WFDC10B: variants seen among roughly 807,000 people sequenced by gnomAD.
WFDC10B encodes protein WFDC10B.
WFDC10B carries 1 observed loss-of-function variant against 2.7 expected under a neutral mutation model. The observed-to-expected ratio is 0.38, with a 90% CI of 0.13 to 1.79. The LOEUF is 1.79. Ranked by LOEUF, WFDC10B falls within the 40% of genes most tolerant of loss-of-function variation. The pLI is 0.33. For missense variants in WFDC10B, 71 were observed against 87.8 expected, an observed-to-expected ratio of 0.81 and a Z score of 0.76; for synonymous variants, 26 against 32.2, an observed-to-expected ratio of 0.81 and a Z score of 0.65.
chr20:45,691,604 T>C (rs538453403), intron 2 of WFDC10B, among the ~76,000 whole-genome samples: 9 of 151,716 alleles, frequency 5.9e-5, no homozygotes, highest in African/African-American at 4.8e-5. Flanking sequence ...GCCTTCTTTG[T>C]CTCTTTTGAT....
At chr20:45,698,986 A>C (rs1474020010) in intron 2 of WFDC10B, among the ~76,000 whole-genome samples, 10 of 143,466 alleles carry the variant, frequency 7.0e-5, no homozygotes, top group Non-Finnish European at 1.1e-4. Context: ...AAAAAGAAGA[A>C]GGAGGAGAAG....
At chr20:45,690,525 A>T (rs1462722023) in intron 2 of WFDC10B, among the ~76,000 whole-genome samples, 1 of 151,442 alleles carries the variant, frequency 6.6e-6, no homozygotes, top group East Asian at 1.9e-4. Flanking sequence ...AGCTCCTGTT[A>T]TTGGTCTATT....
chr20:45,700,503 C>G (rs1256677192), intron 2 of WFDC10B, among the ~76,000 whole-genome samples: 1 of 152,134 alleles, frequency 6.6e-6, no homozygotes, highest in East Asian at 1.9e-4. Context: ...ATTCAATGAT[C>G]ACCTTATATT....
chr20:45,704,786 C>A, intron 1 of WFDC10B, 132 bp downstream of exon 1: 1 of 1,283,794 alleles, frequency 7.8e-7, no homozygotes, highest in Admixed American at 1.8e-5. Flanking sequence ...GCCCTCCTCC[C>A]CTCCCAATCA....
chr20:45,702,094 C>T, intron 2 of WFDC10B: 1 of 1,604,792 alleles, frequency 6.2e-7, no homozygotes, highest in African/African-American at 1.3e-5. Context: ...AACCCTTGGC[C>T]AGAACTTACT....
At chr20:45,702,516 G>C (rs1984208446) in intron 2 of WFDC10B, among the ~76,000 whole-genome samples, 1 of 152,192 alleles carries the variant, frequency 6.6e-6, no homozygotes, top group Non-Finnish European at 1.5e-5. Context: ...CTGTAAATGT[G>C]ATCAGCCTCA....
chr20:45,686,867 G>A (rs1983638100), intron 2 of WFDC10B, among the ~76,000 whole-genome samples: 1 of 152,014 alleles, frequency 6.6e-6, no homozygotes, highest in Non-Finnish European at 1.5e-5. Context: ...CGCCATGTTG[G>A]CCAGGCTGGT....
chr20:45,694,636 A>G (rs1983926165), intron 2 of WFDC10B, among the ~76,000 whole-genome samples: 1 of 152,220 alleles, frequency 6.6e-6, no homozygotes, highest in African/African-American at 2.4e-5. Flanking sequence ...CTTTGTCCCC[A>G]GTTCCTGGCA....
At chr20:45,696,140 C>T (rs1258557081) in intron 2 of WFDC10B, among the ~76,000 whole-genome samples, 8 of 151,924 alleles carry the variant, frequency 5.3e-5, no homozygotes. Flanking sequence ...CAAAAATTAA[C>T]TGGGCATGGT....
chr20:45,687,910 C>T (rs1242169644), intron 2 of WFDC10B, among the ~76,000 whole-genome samples: 1 of 146,314 alleles, frequency 6.8e-6, no homozygotes, highest in African/African-American at 2.6e-5. Flanking sequence ...TTTTAGGGTA[C>T]ATGTGCACAA....
Position 45,684,953 on chromosome 20 carries a change from C to A in WFDC10B, c.99G>T (p.Lys33Asn), listed in dbSNP as rs774335880. The change falls in exon 4 of 4, where the codon AAG becomes AAT. Residue 33 changes from lysine to asparagine, a missense_variant. Lys to Asn is a moderately conservative substitution (Grantham distance 94, BLOSUM62 0). Coordinates refer to ENST00000330523, the MANE Select transcript of WFDC10B (RefSeq NM_172006.2). ...YRDKMRMQRI[K>N]VCEKRPSIDL... ...CTATGCTGGGTCGCTTCTCACAGAC[C>A]TTGATTCCTGAAATGATGCAGGAGC... 6.2e-7 allele frequency: 1 copy of A among 1,613,782 alleles called. No individual in the cohort carries two copies. Among genetic ancestry groups the A allele is most frequent in the Non-Finnish European group, 8.5e-7 (1 of 1,179,854 alleles).
At chr20:45,697,861 A>G (rs1984026981) in intron 2 of WFDC10B, among the ~76,000 whole-genome samples, 1 of 148,842 alleles carries the variant, frequency 6.7e-6, no homozygotes, top group Non-Finnish European at 1.5e-5. Flanking sequence ...CTCCTGCTTC[A>G]GCCTCCCGAG....
chr20:45,704,467 T>G, intron 2 of WFDC10B, 30 bp downstream of exon 2: 1 of 1,613,982 alleles, frequency 6.2e-7, no homozygotes, highest in Non-Finnish European at 8.5e-7. Flanking sequence ...ACCTCCACCC[T>G]GCATATCAGC....
chr20:45,693,247 G>A (rs1273663086), intron 2 of WFDC10B, among the ~76,000 whole-genome samples: 1 of 152,226 alleles, frequency 6.6e-6, no homozygotes, highest in Non-Finnish European at 1.5e-5. Context: ...ACTGGGGGGT[G>A]CCTCCCAGTT....
At chr20:45,704,733 C>T (rs179783) in intron 1 of WFDC10B, 172 bp from the exon 2 acceptor site, 8 of 1,397,254 alleles carry the variant, frequency 5.7e-6, no homozygotes, top group Middle Eastern at 2.2e-4. Context: ...CATGCCCCTT[C>T]TCTTGACCAA....
chr20:45,687,505 C>A (rs1304001822), intron 2 of WFDC10B, among the ~76,000 whole-genome samples: 3 of 152,050 alleles, frequency 2.0e-5, no homozygotes, highest in African/African-American at 7.2e-5. Flanking sequence ...CAGAATGATT[C>A]CATTCCTTTG....
At chr20:45,688,232 C>A (rs918771104) in intron 2 of WFDC10B, among the ~76,000 whole-genome samples, 2 of 151,938 alleles carry the variant, frequency 1.3e-5, no homozygotes, top group African/African-American at 4.8e-5. Flanking sequence ...GCATAGTATT[C>A]CATGGTGTAT....
At chr20:45,693,641 G>GA (rs1983889085) in intron 2 of WFDC10B, among the ~76,000 whole-genome samples, 1 of 152,204 alleles carries the variant, frequency 6.6e-6, no homozygotes, top group African/African-American at 2.4e-5. Context: ...CCAGGTGTGG[G>GA]ATATAATCTC....
At chr20:45,686,910 A>C (rs6032429) in intron 2 of WFDC10B, among the ~76,000 whole-genome samples, 89,852 of 151,562 alleles carry the variant, frequency 0.59, 27,606 homozygotes, top group East Asian at 0.98. Context: ...ATCCACCTGT[A>C]TCAACCTCCC....
Sources: allele counts gnomAD v4.1 joint callset (sites outside exome capture counted in the v4.1 genomes callset), GRCh38; gene constraint gnomAD v4.1.1; transcripts MANE v1.5; gene names NCBI Gene and HGNC (gene_info 2026-07-23, HGNC 2026-07-21).